The following COL4A5 variants were observed in gnomAD, a reference collection of about 807,000 sequenced individuals.
The protein encoded by COL4A5 is collagen alpha-5(IV) chain.
Under a neutral mutation model 130.2 loss-of-function variants are expected in COL4A5, and 26 were observed. The ratio of observed to expected loss-of-function variants is 0.20; its 90% CI spans 0.15 to 0.28. COL4A5 has a LOEUF of 0.28. COL4A5 is among the 10% of genes least tolerant of loss of function. The probability of loss-of-function intolerance (pLI) is 1.00; values close to 1 mark genes in which losing one functional copy is unlikely to be tolerated. For synonymous variants in COL4A5, 496 were observed against 439.6 expected (o/e 1.13, Z -1.60); for missense variants, 1,131 against 1,344.3 (o/e 0.84, Z 2.48).
At chrX:108,593,269 G>T (rs150293187) in intron 21 of COL4A5, among the ~76,000 whole-genome samples, 2 of 111,092 alleles carry the variant, frequency 1.8e-5, no homozygotes, top group African/African-American at 6.5e-5. Context: ...TTTCATTTGC[G>T]TTTGCCTAAT....
intron 42 of COL4A5, 106 bp downstream of exon 42, chrX:108,670,342 A>G: frequency 8.7e-7 from 1 of 1,151,744 alleles, no homozygotes; most frequent in Admixed American, 2.5e-5. Context: ...ATATGTGCCA[A>G]TTCAATTCTT....
Position 108,687,503 on chromosome X carries a change from C to T in COL4A5, c.4337C>T (p.Pro1446Leu). The T allele has an allele frequency of 8.3e-7, 1 of 1,210,908 alleles. No individual in the cohort carries two copies. Among genetic ancestry groups the T allele is most frequent in the Non-Finnish European group, 1.1e-6 (1 of 895,056 alleles). The part of the protein sequence containing the change: ...GQPGTRGLDG[P>L]PGPDGLQGPP... ...ATAGGTACCCGTGGTTTGGATGGTCCCCCTGGTCCAGATGGATTGCAAGGT... is the reference window on the plus strand; with the variant it reads ...ATAGGTACCCGTGGTTTGGATGGTCTCCCTGGTCCAGATGGATTGCAAGGT... Residue 1446 changes from proline to leucine, a missense_variant, in exon 49 of 53, where the codon CCC (proline) becomes CTC (leucine). Physicochemically the swap from Pro to Leu is moderately conservative, Grantham distance 98. Coordinates refer to ENST00000328300, the MANE Select transcript of COL4A5 (RefSeq NM_033380.3).
chrX:108,559,212 A>ACAC, intron 3 of COL4A5, 59 bp downstream of exon 3: 2 of 867,483 alleles, frequency 2.3e-6, no homozygotes, highest in Non-Finnish European at 3.4e-6. Flanking sequence ...TAAATGTGGG[A>ACAC]CTAGGTGTCA....
At chrX:108,608,897 A>T (rs889402288) in intron 29 of COL4A5, among the ~76,000 whole-genome samples, 3 of 111,773 alleles carry the variant, frequency 2.7e-5, no homozygotes, top group African/African-American at 9.8e-5. Flanking sequence ...ACTCCTTATA[A>T]ATGGAAACAT....
At chrX:108,473,633 A>ATATATATTTTTTTTTT in intron 1 of COL4A5, among the ~76,000 whole-genome samples, 1 of 34,567 alleles carries the variant, frequency 2.9e-5, no homozygotes, top group African/African-American at 1.1e-4. Context: ...ATATATATAT[A>ATATATATTTTTTTTTT]TTTTTTTTTT....
At chrX:108,458,504 G>A (rs750568397) in intron 1 of COL4A5, among the ~76,000 whole-genome samples, 3 of 110,970 alleles carry the variant, frequency 2.7e-5, no homozygotes, top group East Asian at 2.8e-4. Context: ...TCTCCTCTTC[G>A]CCCCCGCCTC....
intron 18 of COL4A5, among the ~76,000 whole-genome samples, chrX:108,584,987 C>T (rs2066312117): frequency 9.0e-6 from 1 of 111,708 alleles, no homozygotes; most frequent in Non-Finnish European, 1.9e-5. Context: ...ACACTTCTTT[C>T]TTTCCTGAGT....
intron 1 of COL4A5, among the ~76,000 whole-genome samples, chrX:108,536,259 TTGTGTGTG>T (rs113018683): frequency 9.4e-6 from 1 of 106,075 alleles, no homozygotes; most frequent in Admixed American, 1.0e-4. Flanking sequence ...CATATAGTAG[TTGTGTGTG>T]TGTGTGTGTG....
intron 2 of COL4A5, among the ~76,000 whole-genome samples, chrX:108,543,671 G>T (rs1034240076): frequency 9.0e-6 from 1 of 111,452 alleles, no homozygotes; most frequent in African/African-American, 3.3e-5. Context: ...TGATGGGGAT[G>T]GCATTGAATC....
chrX:108,515,109 C>T (rs998534908), intron 1 of COL4A5, among the ~76,000 whole-genome samples: 2 of 111,499 alleles, frequency 1.8e-5, no homozygotes, highest in Admixed American at 9.5e-5. Flanking sequence ...TATACACTTA[C>T]ATAGTTTTTT....
intron 37 of COL4A5, among the ~76,000 whole-genome samples, chrX:108,662,844 A>G (rs745755748): frequency 1.4e-4 from 16 of 112,365 alleles, no homozygotes; most frequent in African/African-American, 5.2e-4. Context: ...TCTTCGCAGA[A>G]TTAGAAAAAA....
In COL4A5 at chrX:108,601,952, C is replaced by T. The variant is rs369092053; in HGVS notation, c.2109C>T (p.Ile703=). The change falls in exon 27 of 53, where the codon ATC becomes ATT. Residue 703 remains isoleucine (I), a synonymous_variant. Transcript: ENST00000328300. The part of the protein sequence containing the change: ...GIPGSKGEPG[I]PGIGLPGPPG... ...CTGGTAGCAAAGGAGAACCAGGTAT[C>T]CCTGGAATTGGGCTTCCTGGACCAC... The T allele has an allele frequency of 1.7e-6, 2 of 1,164,860 alleles. No homozygotes were observed. Among genetic ancestry groups the T allele is most frequent in the South Asian group, 3.8e-5 (2 of 53,187 alleles).
chrX:108,505,876 A>G (rs959449734), intron 1 of COL4A5, among the ~76,000 whole-genome samples: 4 of 112,731 alleles, frequency 3.5e-5, no homozygotes, highest in Non-Finnish European at 3.8e-5. Flanking sequence ...TTTATATTGA[A>G]GAGACTATAA....
At chrX:108,496,484 CTATCTTGGTGTGTGTTCTATA>C (rs1259603493) in intron 1 of COL4A5, among the ~76,000 whole-genome samples, 1 of 111,044 alleles carries the variant, frequency 9.0e-6, no homozygotes, top group African/African-American at 3.3e-5. Context: ...AGAATATGTT[CTATCTTGGTGTGTGTTCTATA>C]TACATTTGAG....
chrX:108,483,769 T>C (rs190778973), intron 1 of COL4A5, among the ~76,000 whole-genome samples: 14 of 112,451 alleles, frequency 1.2e-4, no homozygotes, highest in Non-Finnish European at 2.1e-4. Flanking sequence ...CTCCACATCC[T>C]TTCCAGAATT....
intron 2 of COL4A5, among the ~76,000 whole-genome samples, chrX:108,555,098 G>A (rs1160818223): frequency 8.9e-6 from 1 of 112,107 alleles, no homozygotes; most frequent in Non-Finnish European, 1.9e-5. Context: ...AGTTGACAAT[G>A]TAAAATCTGT....
intron 43 of COL4A5, among the ~76,000 whole-genome samples, chrX:108,676,230 A>T (rs1053461704): frequency 2.7e-4 from 30 of 112,541 alleles, no homozygotes; most frequent in African/African-American, 9.7e-4. Flanking sequence ...TAATCCCTAC[A>T]TATCTTCATT....
At chrX:108,639,423 A>C (rs1223149439) in intron 36 of COL4A5, among the ~76,000 whole-genome samples, 2 of 111,279 alleles carry the variant, frequency 1.8e-5, no homozygotes, top group Non-Finnish European at 3.8e-5. Context: ...AAACTATAAA[A>C]CTCTTAGAAG....
chrX:108,597,244 GT>G, intron 23 of COL4A5, 132 bp from the exon 24 acceptor site: 1 of 777,159 alleles, frequency 1.3e-6, no homozygotes, highest in East Asian at 3.4e-5. Flanking sequence ...TCAGCCCTTT[GT>G]ACATTAAATG....
Sources: allele counts gnomAD v4.1 joint callset (sites outside exome capture counted in the v4.1 genomes callset), GRCh38; gene constraint gnomAD v4.1.1; transcripts MANE v1.5; gene names NCBI Gene and HGNC (gene_info 2026-07-23, HGNC 2026-07-21).